AGPAT4: variants seen among roughly 807,000 people sequenced by gnomAD.
AGPAT4 encodes the protein 1-acyl-sn-glycerol-3-phosphate acyltransferase delta.
A neutral mutation model predicts 48.0 loss-of-function variants in AGPAT4; 15 were observed. That is an observed-to-expected ratio of 0.31 (90% CI 0.21 to 0.48). The LOEUF (loss-of-function observed/expected upper bound fraction) is 0.48. AGPAT4 is among the 20% of genes least tolerant of loss of function. AGPAT4 has a pLI of 0.99. For missense variants in AGPAT4, 314 were observed against 482.5 expected (o/e 0.65, Z 3.27); for synonymous variants, 178 against 198.7 (o/e 0.90, Z 0.88).
Position 161,259,948 on chromosome 6 carries a change from G to C in AGPAT4, c.-90+13990C>G, listed in dbSNP as rs946617905. Among the ~76,000 whole-genome samples the C allele has an allele frequency of 6.6e-6, 1 of 152,148 alleles. No homozygotes were observed. Among genetic ancestry groups the C allele is most frequent in the South Asian group, 2.1e-4 (1 of 4,826 alleles). On this transcript the variant is annotated intron_variant, in intron 1 of 8. Coordinates refer to ENST00000320285, the MANE Select transcript of AGPAT4 (RefSeq NM_020133.3). The surrounding 1 kb of genome is among the most constrained non-coding windows in gnomAD (Gnocchi z 4.9). ...TGCTTCCCTTCTCAGACCCATCCAG[G>C]AGTTGCACTGGAGGAAACTTCCATT...
In AGPAT4 at chr6:161,154,280, C is replaced by T; in HGVS notation, c.379G>A (p.Ala127Thr). The T allele has an allele frequency of 1.9e-6, 3 of 1,614,188 alleles. No individual in the cohort carries two copies. Among genetic ancestry groups the T allele is most frequent in the East Asian group, 2.2e-5 (1 of 44,884 alleles). ...GSKVLAKKEL[A>T]YVPIIGWMWY... ...ATCCAGCCGATAATTGGGACATAGG[C>T]CAGCTCTTTCTTGGCCAGGACCTTG... Residue 127 changes from alanine (A) to threonine (T), a missense_variant, in exon 4 of 9, where the codon GCC (alanine) becomes ACC (threonine). Transcript: ENST00000320285. The surrounding 1 kb of genome is among the most constrained non-coding windows in gnomAD (Gnocchi z 7.8).
rs1218126957 is a variant in AGPAT4 at position 161,222,080 on chromosome 6, C to A, written c.178+9956G>T. Among the ~76,000 whole-genome samples the A allele has an allele frequency of 6.6e-6, 1 of 152,200 alleles. No homozygotes were observed. The highest frequency in any genetic ancestry group is 1.5e-5 in the Non-Finnish European group (1 of 68,034). On this transcript the variant is annotated intron_variant, in intron 2 of 8. Transcript: ENST00000320285. The surrounding 1 kb of genome is among the most constrained non-coding windows in gnomAD (Gnocchi z 5.9). ...GGATGAGGGTTGACTATGCTCTGCT[C>A]AGGTCCTGTAAGGCACAGCCTGAAA...
chr6:161,272,504 G>GCCCACTAGGA lies in AGPAT4; in HGVS notation c.-90+1433_-90+1434insTCCTAGTGGG, dbSNP rs11281544. On this transcript the variant is annotated intron_variant, in intron 1 of 8. Transcript: ENST00000320285. The surrounding 1 kb of genome is among the most constrained non-coding windows in gnomAD (Gnocchi z 4.2). Reference sequence around the variant, plus strand: ...CAGTTTAGCCGGTACCTGTTAAGAGGCTATGTCTTTCTAAGAGATGTGTTA... The same window carrying GCCCACTAGGA: ...CAGTTTAGCCGGTACCTGTTAAGAGGCCCACTAGGACTATGTCTTTCTAAGAGATGTGTTA... Among the ~76,000 whole-genome samples, 49,874 of 151,816 alleles carry GCCCACTAGGA rather than the reference G, an allele frequency of 0.33. 9,254 individuals carry two copies. Among genetic ancestry groups the GCCCACTAGGA allele is most frequent in the African/African-American group, 0.5 (20,522 of 41,348 alleles).
chr6:161,269,748 GCTATAT>G (rs913098163), intron 1 of AGPAT4, among the ~76,000 whole-genome samples: 7 of 152,102 alleles, frequency 4.6e-5, no homozygotes, highest in African/African-American at 1.7e-4. Context: ...CCCGTTTATT[GCTATAT>G]CTATAATATA....
Position 161,143,948 on chromosome 6 carries a change from A to C in AGPAT4, c.843+2576T>G. ...AGAGAACTACTGCCCTAAAATCCCA[A>C]GGTCAAAATCAACAGAACTGTCTTT... On this transcript the variant is annotated intron_variant, in intron 7 of 8. Transcript: ENST00000320285. The surrounding 1 kb of genome is among the most constrained non-coding windows in gnomAD (Gnocchi z 4.7). 1 of 301,472 alleles carries C rather than the reference A, an allele frequency of 3.3e-6. No homozygotes were observed. The highest frequency in any genetic ancestry group is 2.8e-5 in the South Asian group (1 of 35,768). The allele number at this position is 301,472 out of a possible 1,614,324, so 18.7% of individuals were successfully genotyped here.
At position 161,142,542 on chromosome 6, in the gene AGPAT4, G is replaced by A. The variant is rs967144896; in HGVS notation, c.844-2922C>T. ...ATTGAGAGGCGGCAGATCCCCGGAC[G>A]AACGCCCCCTGCAGCCCGCAACAAA... is the stretch of plus-strand genomic sequence containing the variant. On this transcript the variant is annotated intron_variant, in intron 7 of 8. Transcript: ENST00000320285. The surrounding 1 kb of genome is among the most constrained non-coding windows in gnomAD (Gnocchi z 6.4). Among the ~76,000 whole-genome samples the A allele has an allele frequency of 1.5e-4, 23 of 152,122 alleles. No homozygotes were observed. Among genetic ancestry groups the A allele is most frequent in the African/African-American group, 5.1e-4 (21 of 41,416 alleles).
At chr6:161,263,890 A>G (rs1783174086) in intron 1 of AGPAT4, among the ~76,000 whole-genome samples, 1 of 152,238 alleles carries the variant, frequency 6.6e-6, no homozygotes, top group Non-Finnish European at 1.5e-5. Context: ...ATGCAAGTCC[A>G]TGTAATTCTG....
rs988518576 is a variant in AGPAT4 at position 161,154,572 on chromosome 6, G to C, written c.349-262C>G. On this transcript the variant is annotated intron_variant, in intron 3 of 8. Coordinates refer to ENST00000320285, the MANE Select transcript of AGPAT4 (RefSeq NM_020133.3). This position sits in a 1 kb window ranked among gnomAD's most constrained non-coding sequence, Gnocchi z 7.8. ...TCTCAGCGCAGACGGCAGGAGTCAA[G>C]AAGGCAGCAGCGAGCAGTCACAGGT... is the stretch of plus-strand genomic sequence containing the variant. 5.9e-5 allele frequency among the ~76,000 whole-genome samples: 9 copies of C among 152,156 alleles called. No homozygotes were observed. The highest frequency in any genetic ancestry group is 2.2e-4 in the African/African-American group (9 of 41,448).
chr6:161,188,636 T>C (rs569983039), intron 2 of AGPAT4, among the ~76,000 whole-genome samples: 1 of 152,230 alleles, frequency 6.6e-6, no homozygotes, highest in Non-Finnish European at 1.5e-5. Flanking sequence ...CATGTGTATA[T>C]GAAATTTAAA....
Position 161,197,939 on chromosome 6 carries a change from C to T in AGPAT4, c.179-31522G>A, listed in dbSNP as rs1366794737. On this transcript the variant is annotated intron_variant, in intron 2 of 8. Transcript: ENST00000320285. This position sits in a 1 kb window ranked among gnomAD's most constrained non-coding sequence, Gnocchi z 5.7. ...ACACGTAGGGTTTACCCAGACAATTCGGGCTGGCAACTTGTTGGTTCTATT... is the reference window on the plus strand; with the variant it reads ...ACACGTAGGGTTTACCCAGACAATTTGGGCTGGCAACTTGTTGGTTCTATT... Among the ~76,000 whole-genome samples, 7 of 152,222 alleles carry T rather than the reference C, an allele frequency of 4.6e-5. No individual in the cohort carries two copies. Among genetic ancestry groups the T allele is most frequent in the Admixed American group, 4.6e-4 (7 of 15,274 alleles).
rs1008822653 is a variant in AGPAT4, at chr6:161,206,827, AAAAAGGTTTTC to A, written c.178+25198_178+25208del. On this transcript the variant is annotated intron_variant, in intron 2 of 8. Coordinates refer to ENST00000320285, the MANE Select transcript of AGPAT4 (RefSeq NM_020133.3). The surrounding 1 kb of genome is among the most constrained non-coding windows in gnomAD (Gnocchi z 4.8). ...ATAAAAAAAAAGTCTTCACAAACAA[AAAAAGGTTTTC>A]AAAAAAAGAACCAAGTGGAAAAGTA... Among the ~76,000 whole-genome samples the A allele has an allele frequency of 2.0e-5, 3 of 152,256 alleles. No individual in the cohort carries two copies. The highest frequency in any genetic ancestry group is 4.4e-5 in the Non-Finnish European group (3 of 68,046).
In AGPAT4 at chr6:161,158,405, G is replaced by A. The variant is rs1225078919; in HGVS notation, c.349-4095C>T. On this transcript the variant is annotated intron_variant, in intron 3 of 8. Coordinates refer to ENST00000320285, the MANE Select transcript of AGPAT4 (RefSeq NM_020133.3). The surrounding 1 kb of genome is among the most constrained non-coding windows in gnomAD (Gnocchi z 5.3). ...TCAACGTGAAAGGATTTACTGATGA[G>A]TTAGATGTATCAACAGATCTGTCTA... is the stretch of plus-strand genomic sequence containing the variant. Among the ~76,000 whole-genome samples, 1 of 152,208 alleles carries A rather than the reference G, an allele frequency of 6.6e-6. No homozygotes were observed. Among genetic ancestry groups the A allele is most frequent in the African/African-American group, 2.4e-5 (1 of 41,450 alleles).
At position 161,231,020 on chromosome 6, in the gene AGPAT4, T is replaced by C. The variant is rs1582894144; in HGVS notation, c.178+1016A>G. 6.6e-6 allele frequency among the ~76,000 whole-genome samples: 1 copy of C among 151,662 alleles called. No individual in the cohort carries two copies. Among genetic ancestry groups the C allele is most frequent in the Admixed American group, 6.6e-5 (1 of 15,234 alleles). ...GGTAATCCATTTGGATAATTATACATAGCTTGAATTGTCTTGATTCAAATT... is the reference window on the plus strand; with the variant it reads ...GGTAATCCATTTGGATAATTATACACAGCTTGAATTGTCTTGATTCAAATT... On this transcript the variant is annotated intron_variant, in intron 2 of 8. Transcript: ENST00000320285. The surrounding 1 kb of genome is among the most constrained non-coding windows in gnomAD (Gnocchi z 5.3).
rs1420617655 is a variant in AGPAT4 at position 161,161,028 on chromosome 6, G to A, written c.348+5220C>T. On this transcript the variant is annotated intron_variant, in intron 3 of 8. Coordinates refer to ENST00000320285, the MANE Select transcript of AGPAT4 (RefSeq NM_020133.3). The surrounding 1 kb of genome is among the most constrained non-coding windows in gnomAD (Gnocchi z 4.6). ...GGCCCTAAGCACAGAGCACGAAAGG[G>A]GGACAGTTCATGGGATGATACCAAG... 3 of 456,638 alleles carry A rather than the reference G, an allele frequency of 6.6e-6. No individual in the cohort carries two copies. Among genetic ancestry groups the A allele is most frequent in the Non-Finnish European group, 1.3e-5 (3 of 226,984 alleles). The allele number at this position is 456,638 out of a possible 1,614,324, so 28.3% of individuals were successfully genotyped here.
chr6:161,151,780 G>A (rs1779597993), intron 5 of AGPAT4, among the ~76,000 whole-genome samples: 2 of 152,370 alleles, frequency 1.3e-5, no homozygotes, highest in South Asian at 4.1e-4. Context: ...ATCAGGGAGT[G>A]CACAGGGTCT....
At position 161,220,722 on chromosome 6, in the gene AGPAT4, C is replaced by G. The variant is rs73017414; in HGVS notation, c.178+11314G>C. On this transcript the variant is annotated intron_variant, in intron 2 of 8. Transcript: ENST00000320285. The surrounding 1 kb of genome is among the most constrained non-coding windows in gnomAD (Gnocchi z 6.0). Reference sequence around the variant, plus strand: ...GGACAGTTTCATTCTATCTTTCCTACGCAGACTGCCCCATTGGTTGTGCAA... The same window carrying G: ...GGACAGTTTCATTCTATCTTTCCTAGGCAGACTGCCCCATTGGTTGTGCAA... 1.2e-4 allele frequency among the ~76,000 whole-genome samples: 19 copies of G among 152,194 alleles called. No homozygotes were observed. Among genetic ancestry groups the G allele is most frequent in the African/African-American group, 1.9e-4 (8 of 41,560 alleles).
intron 2 of AGPAT4, among the ~76,000 whole-genome samples, chr6:161,181,621 A>G (rs1361395866): frequency 6.6e-6 from 1 of 152,132 alleles, no homozygotes; most frequent in East Asian, 1.9e-4. Context: ...TCTGTTGCCC[A>G]GGCTGGAGTG....
rs76621778 is a variant in AGPAT4 at position 161,236,754 on chromosome 6, T to A, written c.-89-4452A>T. On this transcript the variant is annotated intron_variant, in intron 1 of 8. Coordinates refer to ENST00000320285, the MANE Select transcript of AGPAT4 (RefSeq NM_020133.3). The surrounding 1 kb of genome is among the most constrained non-coding windows in gnomAD (Gnocchi z 5.0). ...CACTAAAAATACAAAAAAAAAAAAA[T>A]AGCTGGATGTGGTGGTGGGTGTCTG... Among the ~76,000 whole-genome samples, 3 of 142,126 alleles carry A rather than the reference T, an allele frequency of 2.1e-5. No individual in the cohort carries two copies. Among genetic ancestry groups the A allele is most frequent in the Admixed American group, 6.9e-5 (1 of 14,532 alleles). The allele number at this position is 142,126 out of a possible 152,430, so 93.2% of individuals were successfully genotyped here. A position where few individuals can be genotyped will look rare whatever the true frequency, so the allele number is the denominator to read the frequency against.
Position 161,192,142 on chromosome 6 carries a change from C to CTT in AGPAT4, c.179-25727_179-25726dup, listed in dbSNP as rs573872820. Among the ~76,000 whole-genome samples the CTT allele has an allele frequency of 4.7e-3, 216 of 45,670 alleles. 1 individual carries two copies. Among genetic ancestry groups the CTT allele is most frequent in the Non-Finnish European group, 6.0e-3 (170 of 28,256 alleles). The allele number at this position is 45,670 out of a possible 152,430, so 30.0% of individuals were successfully genotyped here. A position where few individuals can be genotyped will look rare whatever the true frequency, so the allele number is the denominator to read the frequency against. ...TCCCTCTACTAGTTTAGAAGTTATA[C>CTT]TTTTTTTTTTTTTTTTTTTTTTTTT... On this transcript the variant is annotated intron_variant, in intron 2 of 8. Transcript: ENST00000320285.
Sources: allele counts gnomAD v4.1 joint callset (sites outside exome capture counted in the v4.1 genomes callset), GRCh38; gene constraint gnomAD v4.1.1; non-coding constraint Gnocchi (gnomAD v3.1); transcripts MANE v1.5; gene names NCBI Gene and HGNC (gene_info 2026-07-23, HGNC 2026-07-21).